PTGFRN: variants seen among roughly 807,000 people sequenced by gnomAD.
PTGFRN encodes prostaglandin F2 receptor inhibitor.
Under a neutral mutation model 83.2 loss-of-function variants are expected in PTGFRN, and 35 were observed. The ratio of observed to expected loss-of-function variants is 0.42; its 90% confidence interval spans 0.32 to 0.56. PTGFRN has a LOEUF of 0.56. Among genes scored for constraint, PTGFRN ranks in the 20% least tolerant of loss-of-function variants. The pLI is 0.11. For synonymous variants in PTGFRN, 519 were observed against 498.6 expected (o/e 1.04, Z -0.55); for missense variants, 1,051 against 1,179.5 (o/e 0.89, Z 1.60).
At chr1:116,934,259 C>T (rs1305074315) in intron 1 of PTGFRN, among the ~76,000 whole-genome samples, 3 of 152,070 alleles carry the variant, frequency 2.0e-5, no homozygotes, top group African/African-American at 4.8e-5. Context: ...AGTCCTTCCA[C>T]CTCAGCCTCC....
At position 116,944,973 on chromosome 1, in the gene PTGFRN, T is replaced by C. The variant is rs1313053329; in HGVS notation, c.713T>C (p.Leu238Pro). 5.6e-6 allele frequency: 9 copies of C among 1,613,814 alleles called. No homozygotes were observed. Among genetic ancestry groups the C allele is most frequent in the African/African-American group, 1.3e-5 (1 of 75,060 alleles). ...DAYRLSVSRA[L>P]SADQGSYRCI... Reference sequence around the variant, plus strand: ...TACCGCCTCTCAGTGTCCCGGGCTCTGTCTGCCGACCAGGGCTCCTACAGG... The same window carrying C: ...TACCGCCTCTCAGTGTCCCGGGCTCCGTCTGCCGACCAGGGCTCCTACAGG... The change falls in exon 3 of 9, where the codon CTG becomes CCG. Residue 238 changes from leucine (L) to proline (P), a missense_variant. Coordinates refer to ENST00000393203, the MANE Select transcript of PTGFRN (RefSeq NM_020440.4).
rs570058189 is a variant in PTGFRN at position 116,981,601 on chromosome 1, C to A, written c.2168-3079C>A. 3.8e-3 allele frequency among the ~76,000 whole-genome samples: 579 copies of A among 152,336 alleles called. 5 individuals are homozygous for A. The highest frequency in any genetic ancestry group is 0.012 in the African/African-American group (518 of 41,582). On this transcript the variant is annotated intron_variant, in intron 7 of 8. Coordinates refer to ENST00000393203, the MANE Select transcript of PTGFRN (RefSeq NM_020440.4). ...ATGCCACCACCATCCAGGTGGACAT[C>A]TGTCTCCTGCAGGACTCCCAGTTGA...
intron 6 of PTGFRN, among the ~76,000 whole-genome samples, chr1:116,973,535 G>C (rs186111367): frequency 1.4e-3 from 206 of 148,366 alleles, no homozygotes; most frequent in Admixed American, 2.8e-3. Context: ...AATCCAGGAA[G>C]TGGAGGTTGC....
intron 1 of PTGFRN, among the ~76,000 whole-genome samples, chr1:116,934,355 C>T (rs1649868700): frequency 6.6e-6 from 1 of 152,086 alleles, no homozygotes; most frequent in African/African-American, 2.4e-5. Flanking sequence ...CTATGTTGCC[C>T]AGGCTGATCT....
At chr1:116,967,868 A>C (rs1469276658) in intron 6 of PTGFRN, among the ~76,000 whole-genome samples, 1 of 152,234 alleles carries the variant, frequency 6.6e-6, no homozygotes, top group Non-Finnish European at 1.5e-5. Context: ...CTTGACTGTT[A>C]CAAATAATGC....
chr1:116,932,533 T>C (rs1395313580), intron 1 of PTGFRN, among the ~76,000 whole-genome samples: 5 of 152,336 alleles, frequency 3.3e-5, no homozygotes. Flanking sequence ...AGTATAAATA[T>C]GCGTGGTGTT....
chr1:116,956,470 G>A (rs185199044), intron 4 of PTGFRN, among the ~76,000 whole-genome samples: 1 of 152,368 alleles, frequency 6.6e-6, no homozygotes, highest in African/African-American at 2.4e-5. Flanking sequence ...TCAGGGTGGA[G>A]AATGGAGTAG....
At chr1:116,956,659 G>T (rs748422451) in intron 4 of PTGFRN, among the ~76,000 whole-genome samples, 6 of 152,192 alleles carry the variant, frequency 3.9e-5, no homozygotes, top group Non-Finnish European at 5.9e-5. Context: ...GCACGCAGTG[G>T]AGGGCCTCGA....
Position 116,958,725 on chromosome 1 carries a change from C to T in PTGFRN, c.1214-2518C>T, listed in dbSNP as rs1020277125. 6.6e-6 allele frequency among the ~76,000 whole-genome samples: 1 copy of T among 152,194 alleles called. No homozygotes were observed. Among genetic ancestry groups the T allele is most frequent in the African/African-American group, 2.4e-5 (1 of 41,444 alleles). ...GTGAGGCACCAGAGATCTGAGTAAT[C>T]TACCCAAGGTCAATAGCAAGTAAGT... On this transcript the variant is annotated intron_variant, in intron 4 of 8. Transcript: ENST00000393203. This position sits in a 1 kb window ranked among gnomAD's most constrained non-coding sequence, Gnocchi z 4.9.
chr1:116,985,543 A>G (rs1651445978), intron 8 of PTGFRN, among the ~76,000 whole-genome samples: 1 of 152,050 alleles, frequency 6.6e-6, no homozygotes, highest in Admixed American at 6.5e-5. Context: ...CTAAAAATAC[A>G]AAAAAGAAAA....
In PTGFRN at chr1:116,918,308, C is replaced by T. The variant is rs1649457031; in HGVS notation, c.49+8056C>T. Among the ~76,000 whole-genome samples, 1 of 152,202 alleles carries T rather than the reference C, an allele frequency of 6.6e-6. No individual in the cohort carries two copies. ...CAGGTTTTCTAACCTCTTTGAATCT[C>T]ACTTTCTGTCTCTGTGAAATGGGAA... On this transcript the variant is annotated intron_variant, in intron 1 of 8. Transcript: ENST00000393203. The surrounding 1 kb of genome is among the most constrained non-coding windows in gnomAD (Gnocchi z 4.1).
intron 5 of PTGFRN, among the ~76,000 whole-genome samples, chr1:116,963,371 TC>T (rs1650727869): frequency 1.3e-5 from 2 of 152,248 alleles, no homozygotes; most frequent in Non-Finnish European, 2.9e-5. Flanking sequence ...GTAGAAATAA[TC>T]AGGAGAATTC....
chr1:116,944,631 C>G, intron 2 of PTGFRN, 48 bp from the exon 3 acceptor site: 2 of 1,355,330 alleles, frequency 1.5e-6, no homozygotes, highest in Non-Finnish European at 1.9e-6. Flanking sequence ...CCCTTGCCGG[C>G]TGGGGTCGGT....
intron 8 of PTGFRN, 99 bp from the exon 9 acceptor site, chr1:116,986,702 C>T (rs754966636): frequency 2.1e-5 from 26 of 1,209,796 alleles, no homozygotes; most frequent in Admixed American, 5.7e-5. Context: ...CCTTATCTCT[C>T]GGGAGATCCT....
intron 1 of PTGFRN, among the ~76,000 whole-genome samples, chr1:116,935,163 T>C (rs1437478584): frequency 6.6e-6 from 1 of 152,236 alleles, no homozygotes; most frequent in Non-Finnish European, 1.5e-5. Flanking sequence ...CAATGTAGTA[T>C]GTCAAGCTCA....
At chr1:116,968,145 G>A (rs1650892870) in intron 6 of PTGFRN, among the ~76,000 whole-genome samples, 1 of 152,118 alleles carries the variant, frequency 6.6e-6, no homozygotes, top group Non-Finnish European at 1.5e-5. Flanking sequence ...TTTAGAATAT[G>A]AATGCAAAGG....
intron 7 of PTGFRN, among the ~76,000 whole-genome samples, chr1:116,977,876 C>T (rs563806916): frequency 1.3e-5 from 2 of 151,990 alleles, no homozygotes; most frequent in Non-Finnish European, 2.9e-5. Flanking sequence ...AAGATCAGAG[C>T]GGAGCTGAAG....
chr1:116,956,235 A>G (rs1650488896), intron 4 of PTGFRN, among the ~76,000 whole-genome samples: 1 of 152,198 alleles, frequency 6.6e-6, no homozygotes, highest in African/African-American at 2.4e-5. Context: ...TCACAAGCCA[A>G]GAATCCACTT....
At chr1:116,935,838 A>G (rs749692676) in intron 1 of PTGFRN, among the ~76,000 whole-genome samples, 1 of 152,160 alleles carries the variant, frequency 6.6e-6, no homozygotes, top group Non-Finnish European at 1.5e-5. Flanking sequence ...ATGGAATTTT[A>G]TTATGTGAAT....
Sources: gnomAD v4.1 joint callset for allele counts (sites outside exome capture counted in the v4.1 genomes callset) on GRCh38, gnomAD v4.1.1 for gene constraint, Gnocchi (gnomAD v3.1) non-coding constraint, MANE v1.5 for transcripts, NCBI Gene and HGNC (gene_info 2026-07-23, HGNC 2026-07-21) for gene names.